The following ZNF362 variants were observed in gnomAD, a reference collection of about 807,000 sequenced individuals.
The protein encoded by ZNF362 is rotund homolog.
Under a neutral mutation model 42.9 loss-of-function variants are expected in ZNF362, and 11 were observed. The ratio of observed to expected loss-of-function variants is 0.26; its 90% CI spans 0.16 to 0.42. The LOEUF (loss-of-function observed/expected upper bound fraction) is 0.42. Ranked by LOEUF, ZNF362 falls within the 20% of genes least tolerant of loss-of-function variation. The pLI is 1.00. For synonymous variants in ZNF362, 255 were observed against 257.3 expected (o/e 0.99, Z 0.09); for missense variants, 362 against 576.2 (o/e 0.63, Z 3.81).
chr1:33,281,683 C>T lies in ZNF362; in HGVS notation c.780C>T (p.Cys260=). The T allele has an allele frequency of 1.2e-6, 2 of 1,614,262 alleles. No homozygotes were observed. Among genetic ancestry groups the T allele is most frequent in the Non-Finnish European group, 1.7e-6 (2 of 1,180,042 alleles). ...CCAAGCCCCACAAGTGCCCGCACTG[C>T]TCCAAGTCCTTTGCCAACGCCTCCT... The part of the protein sequence containing the change: ...TEAKPHKCPH[C]SKSFANASYL... Residue 260 remains cysteine (C), a synonymous_variant, in exon 6 of 9, where the codon TGC becomes TGT. Coordinates refer to ENST00000539719, the MANE Select transcript of ZNF362 (RefSeq NM_152493.3). This position sits in a 1 kb window ranked among gnomAD's most constrained non-coding sequence, Gnocchi z 4.8.
At chr1:33,193,441 A>G in the ZNF362 span, among the ~76,000 whole-genome samples, 1 of 152,210 alleles carries the variant, frequency 6.6e-6, no homozygotes, top group Non-Finnish European at 1.5e-5. Flanking sequence ...AACAACTCCC[A>G]CTGAAGATAA....
chr1:33,153,546 C>T, the ZNF362 span, among the ~76,000 whole-genome samples: 4 of 152,176 alleles, frequency 2.6e-5, no homozygotes, highest in Admixed American at 6.5e-5. Context: ...GAGCACAGAG[C>T]GGGGCCCTGC....
chr1:33,169,559 C>A, the ZNF362 span, among the ~76,000 whole-genome samples: 2 of 152,166 alleles, frequency 1.3e-5, no homozygotes, highest in Non-Finnish European at 2.9e-5. Context: ...TGCCAGTCTG[C>A]AGATTTCCAC....
chr1:33,278,057 C>T (rs1300680690), intron 4 of ZNF362, among the ~76,000 whole-genome samples: 1 of 152,056 alleles, frequency 6.6e-6, no homozygotes, highest in East Asian at 1.9e-4. Context: ...CTGTATGTCC[C>T]CTGTTATTAT....
At chr1:33,260,342 CAGTTTCATTCT>C (rs1382024857) in intron 1 of ZNF362, among the ~76,000 whole-genome samples, 1 of 152,254 alleles carries the variant, frequency 6.6e-6, no homozygotes, top group Non-Finnish European at 1.5e-5. Context: ...AGCCACACAC[CAGTTTCATTCT>C]ACACCTTGAA....
At chr1:33,209,819 T>C in the ZNF362 span, among the ~76,000 whole-genome samples, 2 of 152,216 alleles carry the variant, frequency 1.3e-5, no homozygotes, top group Non-Finnish European at 2.9e-5. Context: ...TCTCTTTTCT[T>C]CTTTATTAGT....
chr1:33,283,811 A>T (rs1272804951), intron 6 of ZNF362, among the ~76,000 whole-genome samples: 2 of 152,226 alleles, frequency 1.3e-5, no homozygotes, highest in Non-Finnish European at 2.9e-5. Flanking sequence ...CTGACCATGT[A>T]AGTTAGTTTC....
the ZNF362 span, among the ~76,000 whole-genome samples, chr1:33,135,820 T>C: frequency 6.6e-6 from 1 of 152,224 alleles, no homozygotes; most frequent in African/African-American, 2.4e-5. Flanking sequence ...AGACCTGGGA[T>C]GCGGCTGTTG....
At chr1:33,187,388 A>G in the ZNF362 span, among the ~76,000 whole-genome samples, 1 of 152,206 alleles carries the variant, frequency 6.6e-6, no homozygotes, top group Non-Finnish European at 1.5e-5. Context: ...TTGCATTCAT[A>G]TTAAGTTTCA....
At chr1:33,131,253 T>C in the ZNF362 span, among the ~76,000 whole-genome samples, 1 of 152,262 alleles carries the variant, frequency 6.6e-6, no homozygotes, top group Non-Finnish European at 1.5e-5. Context: ...TCTCCACAAA[T>C]GTTTACTAAG....
intron 2 of ZNF362, 74 bp downstream of exon 2, chr1:33,270,686 C>T (rs1419684912): frequency 3.2e-5 from 51 of 1,578,408 alleles, no homozygotes; most frequent in Admixed American, 5.4e-5. Flanking sequence ...GCATTGTGTT[C>T]GTCCCACCTT....
chr1:33,163,409 G>A, the ZNF362 span: 1 of 152,244 alleles, frequency 6.6e-6, no homozygotes, highest in South Asian at 2.1e-4. Context: ...CTAGGTTTTA[G>A]GGAATCCTGC....
chr1:33,241,423 G>C, the ZNF362 span, among the ~76,000 whole-genome samples: 1 of 151,662 alleles, frequency 6.6e-6, no homozygotes, highest in East Asian at 1.9e-4. Context: ...TCTACCTGTG[G>C]GGGAGGAGGT....
intron 4 of ZNF362, among the ~76,000 whole-genome samples, chr1:33,278,948 G>C (rs1645970543): frequency 1.3e-5 from 2 of 152,204 alleles, no homozygotes; most frequent in Admixed American, 6.5e-5. Flanking sequence ...TTGTGCTCAT[G>C]TGGGAATATT....
the ZNF362 span, chr1:33,147,697 G>A: frequency 1.9e-6 from 3 of 1,613,110 alleles, no homozygotes; most frequent in Non-Finnish European, 2.5e-6. The surrounding 1 kb of genome is among the most constrained non-coding windows in gnomAD (Gnocchi z 8.1). Flanking sequence ...CTGGTGGGCT[G>A]TGCCCGGGTC....
At chr1:33,181,680 A>G in the ZNF362 span, 3 of 586,084 alleles carry the variant, frequency 5.1e-6, no homozygotes, top group East Asian at 3.5e-5. The surrounding 1 kb of genome is among the most constrained non-coding windows in gnomAD (Gnocchi z 6.5). Context: ...GCTCAAGGCG[A>G]TGGGCGCTGG....
the ZNF362 span, among the ~76,000 whole-genome samples, chr1:33,188,600 C>T: frequency 6.6e-6 from 1 of 152,148 alleles, no homozygotes; most frequent in African/African-American, 2.4e-5. Context: ...TGGGTGCCCT[C>T]CTTGAGGGGT....
the ZNF362 span, among the ~76,000 whole-genome samples, chr1:33,193,004 C>CACACATATATATATATATATATATAT: frequency 7.3e-6 from 1 of 137,202 alleles, no homozygotes; most frequent in East Asian, 2.2e-4. Flanking sequence ...CACACACACA[C>CACACATATATATATATATATATATAT]ATATATATAT....
the ZNF362 span, among the ~76,000 whole-genome samples, chr1:33,172,816 A>G: frequency 6.6e-6 from 1 of 152,138 alleles, no homozygotes; most frequent in South Asian, 2.1e-4. Flanking sequence ...AGCTGTGGAA[A>G]GCCATCTCAG....
Sources: gnomAD v4.1 joint callset for allele counts (sites outside exome capture counted in the v4.1 genomes callset) on GRCh38, gnomAD v4.1.1 for gene constraint, Gnocchi (gnomAD v3.1) non-coding constraint, MANE v1.5 for transcripts, NCBI Gene and HGNC (gene_info 2026-07-23, HGNC 2026-07-21) for gene names.